Variants in TMEM59L observed in about 807,000 individuals in gnomAD.
TMEM59L encodes the protein transmembrane protein 59 like, also known as transmembrane protein 59-like.
TMEM59L carries 31 observed loss-of-function variants against 39.6 expected under a neutral mutation model. The observed-to-expected ratio is 0.78, with a 90% CI of 0.59 to 1.06. TMEM59L has a LOEUF of 1.06. TMEM59L is among the 50% of genes least tolerant of loss of function. The pLI, the probability that TMEM59L is intolerant of heterozygous loss-of-function variation, is 0.00. For synonymous variants in TMEM59L, 219 were observed against 202.9 expected (o/e 1.08, Z -0.68); for missense variants, 441 against 451.3 (o/e 0.98, Z 0.21).
chr19:18,616,903 T>G (rs1976433767), intron 4 of TMEM59L, 97 bp from the exon 5 acceptor site: 2 of 882,186 alleles, frequency 2.3e-6, no homozygotes. Context: ...GAACTGGGTA[T>G]CAGCTGGGCG....
intron 5 of TMEM59L, chr19:18,617,416 G>T (rs1467751724): frequency 4.0e-6 from 2 of 496,414 alleles, no homozygotes; most frequent in Non-Finnish European, 7.8e-6. Context: ...CCCGGGTTCC[G>T]TGGCCACCTC....
rs1016831391 is a variant in TMEM59L, at chr19:18,617,869, C to T, written c.665-286C>T. The T allele has an allele frequency of 1.2e-5, 6 of 485,692 alleles. No homozygotes were observed. The Admixed American group carries it at 1.7e-4, about 14-fold the overall frequency. The allele number at this position is 485,692 out of a possible 1,614,324, so 30.1% of individuals were successfully genotyped here. A position where few individuals can be genotyped will look rare whatever the true frequency, so the allele number is the denominator to read the frequency against. ...CCATGGGTTCATCTTCTAGGGTCAT[C>T]TCCTAGGGTCCATCTCCTAGAGTTC... On this transcript the variant is annotated intron_variant, in intron 5 of 7. Coordinates refer to ENST00000262817, the MANE Select transcript of TMEM59L (RefSeq NM_012109.3).
chr19:18,619,019 TCTCA>T (rs941655560), intron 7 of TMEM59L, among the ~76,000 whole-genome samples: 2 of 151,660 alleles, frequency 1.3e-5, no homozygotes, highest in African/African-American at 4.8e-5. Flanking sequence ...TGAGACAGGA[TCTCA>T]CTCTTTCACC....
At chr19:18,614,343 T>A in intron 3 of TMEM59L, 148 bp downstream of exon 3, 1 of 865,144 alleles carries the variant, frequency 1.2e-6, no homozygotes, top group Non-Finnish European at 1.8e-6. Flanking sequence ...AGCCCCGTCA[T>A]GTCTCCAGCC....
Position 18,613,971 on chromosome 19 carries a change from G to A in TMEM59L, c.271G>A (p.Ala91Thr). The A allele has an allele frequency of 6.2e-7, 1 of 1,613,372 alleles. No homozygotes were observed. Among genetic ancestry groups the A allele is most frequent in the Non-Finnish European group, 8.5e-7 (1 of 1,180,028 alleles). Residue 91 changes from alanine (A) to threonine (T), a missense_variant, in exon 2 of 8, where the codon GCC (alanine) becomes ACC (threonine). Coordinates refer to ENST00000262817, the MANE Select transcript of TMEM59L (RefSeq NM_012109.3). ...CRLFSICRFV[A>T]RSSKPNATQT... ...CCTCTTCTCCATCTGCCGATTTGTG[G>A]CCAGAAGCTCCAAGCCCAATGCCAC...
rs1304306730 is a variant in TMEM59L, at chr19:18,616,146, G to T, written c.561+19G>T. Reference sequence around the variant, plus strand: ...GTTTCAGGTGAGACCTCTGACAGGGGCCACGCCAGAGTGGCAGATGGGTGG... The same window carrying T: ...GTTTCAGGTGAGACCTCTGACAGGGTCCACGCCAGAGTGGCAGATGGGTGG... On this transcript the variant is annotated intron_variant, in intron 4 of 7. Transcript: ENST00000262817. The T allele has an allele frequency of 1.2e-6, 2 of 1,613,008 alleles. No individual in the cohort carries two copies. Among genetic ancestry groups the T allele is most frequent in the South Asian group, 1.1e-5 (1 of 91,026 alleles).
chr19:18,617,350 C>T (rs1405655231), intron 5 of TMEM59L: 1 of 606,768 alleles, frequency 1.6e-6, no homozygotes, highest in Admixed American at 2.1e-5. Context: ...CCCCGGGTTC[C>T]ATGGTCTATT....
At chr19:18,613,732 C>T (rs963398583) in intron 1 of TMEM59L, 140 bp from the exon 2 acceptor site, 2 of 658,128 alleles carry the variant, frequency 3.0e-6, no homozygotes, top group African/African-American at 3.6e-5. Flanking sequence ...TATTTGTAGC[C>T]TCTCCCAACT....
Position 18,616,119 on chromosome 19 carries a change from G to A in TMEM59L, c.553G>A (p.Val185Met). The A allele has an allele frequency of 6.2e-7, 1 of 1,613,968 alleles. No homozygotes were observed. Among genetic ancestry groups the A allele is most frequent in the Non-Finnish European group, 8.5e-7 (1 of 1,179,942 alleles). ...GCAGACTGACAATGGGAAAGTGGTG[G>A]TGTTTCAGGTGAGACCTCTGACAGG... The part of the protein sequence containing the change: ...YLQTDNGKVV[V>M]FQTQPIVESL... The change falls in exon 4 of 8, where the codon GTG (valine) becomes ATG (methionine). Residue 185 changes from valine to methionine, a missense_variant. Transcript: ENST00000262817.
At chr19:18,616,261 G>T (rs1403789369) in intron 4 of TMEM59L, 134 bp downstream of exon 4, 4 of 1,029,516 alleles carry the variant, frequency 3.9e-6, no homozygotes, top group Non-Finnish European at 5.7e-6. Flanking sequence ...GGATCCAGGG[G>T]CTCAGTGTCT....
rs1976423430 is a variant in TMEM59L, at chr19:18,616,012, T to C, written c.446T>C (p.Leu149Pro). 6.2e-7 allele frequency: 1 copy of C among 1,613,982 alleles called. No individual in the cohort carries two copies. The highest frequency in any genetic ancestry group is 1.1e-5 in the South Asian group (1 of 91,086). Residue 149 changes from leucine to proline, a missense_variant, in exon 4 of 8, where the codon CTC becomes CCC. Transcript: ENST00000262817. Reference sequence around the variant, plus strand: ...GAGGCTCCAAGTGGGGCCCTCTCCCTCTTGGACTTGTTTTCCACCCTCTGC... The same window carrying C: ...GAGGCTCCAAGTGGGGCCCTCTCCCCCTTGGACTTGTTTTCCACCCTCTGC... ...VLEAPSGALS[L>P]LDLFSTLCND...
chr19:18,618,502 A>C lies in TMEM59L; in HGVS notation c.900+10A>C, dbSNP rs377509892. The C allele has an allele frequency of 2.0e-4, 314 of 1,598,342 alleles. No homozygotes were observed. The highest frequency in any genetic ancestry group is 2.6e-4 in the Non-Finnish European group (301 of 1,175,562). Reference sequence around the variant, plus strand: ...GCACCTCAAGTTCCAGGTGGGTGGGATCTGTGAATGGCGCTGGGCCGAGGG... The same window carrying C: ...GCACCTCAAGTTCCAGGTGGGTGGGCTCTGTGAATGGCGCTGGGCCGAGGG... On this transcript the variant is annotated intron_variant, in intron 7 of 7. Transcript: ENST00000262817.
intron 7 of TMEM59L, 135 bp downstream of exon 7, chr19:18,618,627 A>G: frequency 1.7e-6 from 1 of 586,148 alleles, no homozygotes; most frequent in Non-Finnish European, 3.0e-6. Context: ...TTTCATGTAT[A>G]TACATATATA....
At position 18,620,419 on chromosome 19, in the gene TMEM59L, G is replaced by A. The variant is rs760698209; in HGVS notation, c.912G>A (p.Leu304=). The part of the protein sequence containing the change: ...GQHLKFQPLT[L]EQHKGFMMEP... ...CTCTCTTCCTGCAGCCTCTGACCCTGGAGCAGCACAAGGGCTTCATGATGG... is the reference window on the plus strand; with the variant it reads ...CTCTCTTCCTGCAGCCTCTGACCCTAGAGCAGCACAAGGGCTTCATGATGG... Residue 304 remains leucine, a synonymous_variant, in exon 8 of 8, where the codon CTG becomes CTA. Transcript: ENST00000262817. 4 of 1,612,366 alleles carry A rather than the reference G, an allele frequency of 2.5e-6. No individual in the cohort carries two copies. Among genetic ancestry groups the A allele is most frequent in the Middle Eastern group, 1.6e-4 (1 of 6,074 alleles).
In TMEM59L at chr19:18,614,160, T is replaced by C. The variant is rs1568446223; in HGVS notation, c.373T>C (p.Trp125Arg). The C allele has an allele frequency of 1.1e-5, 18 of 1,608,408 alleles. No individual in the cohort carries two copies. The highest frequency in any genetic ancestry group is 1.5e-5 in the Non-Finnish European group (18 of 1,178,612). The part of the protein sequence containing the change: ...AEQQACSHGC[W>R]SQPAEPEPEQ... ...GCAGCAGGCCTGTAGCCACGGCTGC[T>C]GGAGCCAGCCCGCGGAGCCTGAGCC... Residue 125 changes from tryptophan (W) to arginine (R), a missense_variant, in exon 3 of 8, where the codon TGG becomes CGG. Coordinates refer to ENST00000262817, the MANE Select transcript of TMEM59L (RefSeq NM_012109.3).
chr19:18,614,254 C>A, intron 3 of TMEM59L, 59 bp downstream of exon 3: 2 of 1,513,606 alleles, frequency 1.3e-6, no homozygotes, highest in South Asian at 1.2e-5. Flanking sequence ...CTCTTCACCC[C>A]GTGGGAAATC....
Position 18,620,625 on chromosome 19 carries a change from C to T in TMEM59L, c.*89C>T. 1 of 1,483,078 alleles carries T rather than the reference C, an allele frequency of 6.7e-7. No individual in the cohort carries two copies. Among genetic ancestry groups the T allele is most frequent in the Non-Finnish European group, 9.0e-7 (1 of 1,115,980 alleles). 91.9% of individuals were successfully genotyped at this position (1,483,078 alleles called of 1,614,324 possible). A position where few individuals can be genotyped will look rare whatever the true frequency, so the allele number is the denominator to read the frequency against. On this transcript the variant is annotated 3_prime_UTR_variant, in exon 8 of 8. Transcript: ENST00000262817. ...CAGGAGTCCAAGGGCAGGGTGGGTCCAGCCTTGAGCCCCTCCACCCCCAAA... is the reference window on the plus strand; with the variant it reads ...CAGGAGTCCAAGGGCAGGGTGGGTCTAGCCTTGAGCCCCTCCACCCCCAAA...
Position 18,620,666 on chromosome 19 carries a change from C to T in TMEM59L, c.*130C>T. On this transcript the variant is annotated 3_prime_UTR_variant, in exon 8 of 8. Coordinates refer to ENST00000262817, the MANE Select transcript of TMEM59L (RefSeq NM_012109.3). ...CACCCCCAAATCCTTCCTCTCCTCC[C>T]AGTCCCACCCCTTGCCCCACGGAGT... is the stretch of plus-strand genomic sequence containing the variant. 4 of 1,332,490 alleles carry T rather than the reference C, an allele frequency of 3.0e-6. No individual in the cohort carries two copies. Among genetic ancestry groups the T allele is most frequent in the Non-Finnish European group, 3.9e-6 (4 of 1,013,202 alleles). 82.5% of individuals were successfully genotyped at this position (1,332,490 alleles called of 1,614,324 possible).
chr19:18,618,328 C>T (rs1263857504), intron 6 of TMEM59L, 47 bp from the exon 7 acceptor site: 1 of 1,607,444 alleles, frequency 6.2e-7, no homozygotes, highest in Non-Finnish European at 8.5e-7. Flanking sequence ...TACGGGTCTC[C>T]CTGGTCCCGG....
Sources: gnomAD v4.1 joint callset for allele counts (sites outside exome capture counted in the v4.1 genomes callset) on GRCh38, gnomAD v4.1.1 for gene constraint, MANE v1.5 for transcripts, NCBI Gene and HGNC (gene_info 2026-07-23, HGNC 2026-07-21) for gene names.